GRID2: variants seen among roughly 807,000 people sequenced by gnomAD.
The protein encoded by GRID2 is glutamate receptor ionotropic, delta-2.
GRID2 carries 33 observed loss-of-function variants against 114.8 expected under a neutral mutation model. That is an observed-to-expected ratio of 0.29 (90% CI 0.22 to 0.38). The LOEUF (loss-of-function observed/expected upper bound fraction) is 0.38. GRID2 is among the 10% of genes least tolerant of loss of function. GRID2 has a pLI of 1.00. For missense variants in GRID2, 1,184 were observed against 1,257.7 expected, an observed-to-expected ratio of 0.94 and a Z score of 0.89; for synonymous variants, 505 against 449.9, an observed-to-expected ratio of 1.12 and a Z score of -1.55.
At chr4:92,337,430 A>G (rs955212987) in intron 1 of GRID2, among the ~76,000 whole-genome samples, 1 of 152,108 alleles carries the variant, frequency 6.6e-6, no homozygotes, top group African/African-American at 2.4e-5. Flanking sequence ...TTATTGAGGA[A>G]TGTGCCCAGA....
intron 14 of GRID2, among the ~76,000 whole-genome samples, chr4:93,709,852 T>C (rs1210315452): frequency 6.6e-6 from 1 of 152,228 alleles, no homozygotes; most frequent in Non-Finnish European, 1.5e-5. Context: ...AATTCTACTG[T>C]TAAGAGACTG....
At chr4:93,014,495 T>G (rs1186119724) in intron 2 of GRID2, among the ~76,000 whole-genome samples, 1 of 152,028 alleles carries the variant, frequency 6.6e-6, no homozygotes, top group Non-Finnish European at 1.5e-5. Context: ...ATATGAAGAA[T>G]TATTACATAG....
chr4:92,455,503 TGAG>T (rs756969277), intron 1 of GRID2, among the ~76,000 whole-genome samples: 15 of 152,100 alleles, frequency 9.9e-5, no homozygotes, highest in Non-Finnish European at 1.8e-4. Flanking sequence ...GAGAGGTCCT[TGAG>T]GAAGTGGTAC....
exon 2 of GRID2, chr4:93,807,591 A>G (rs1007940124): frequency 1.3e-5 from 2 of 152,188 alleles, no homozygotes; most frequent in Non-Finnish European, 2.9e-5. Flanking sequence ...CATTGTAAAC[A>G]AAGATCACTT....
In GRID2 at chr4:93,754,147, T is replaced by C. The variant is rs557347272; in HGVS notation, c.2361-15063T>C. 3.3e-5 allele frequency among the ~76,000 whole-genome samples: 5 copies of C among 152,214 alleles called. No individual in the cohort carries two copies. In the South Asian group the frequency reaches 1.0e-3, roughly 32 times the overall value. On this transcript the variant is annotated intron_variant, in intron 14 of 15. Coordinates refer to ENST00000282020, the MANE Select transcript of GRID2 (RefSeq NM_001510.4). ...CATATTTAAACATAAAAAGATAAAG[T>C]AAAAAGATGGTGTTATAATCTTATG...
chr4:93,739,205 CA>C (rs1189726833), intron 14 of GRID2, among the ~76,000 whole-genome samples: 1 of 151,646 alleles, frequency 6.6e-6, no homozygotes, highest in Non-Finnish European at 1.5e-5. Context: ...GGTGTTTCCT[CA>C]AAAAAAGACA....
intron 1 of GRID2, among the ~76,000 whole-genome samples, chr4:92,382,989 G>T (rs886086819): frequency 6.6e-6 from 1 of 151,954 alleles, no homozygotes; most frequent in African/African-American, 2.4e-5. Context: ...TCCTGGGAAG[G>T]TCTCAGGAAA....
chr4:93,680,601 C>G (rs1315271827), intron 14 of GRID2, among the ~76,000 whole-genome samples: 2 of 151,730 alleles, frequency 1.3e-5, no homozygotes, highest in Non-Finnish European at 2.9e-5. Flanking sequence ...GGCTTCATCC[C>G]TGGGATGCAA....
At chr4:93,245,689 A>G (rs1438563001) in intron 8 of GRID2, among the ~76,000 whole-genome samples, 1 of 152,150 alleles carries the variant, frequency 6.6e-6, no homozygotes, top group Non-Finnish European at 1.5e-5. Flanking sequence ...TGCCTCTGTC[A>G]CTTACTGATT....
intron 1 of GRID2, among the ~76,000 whole-genome samples, chr4:92,585,617 C>T (rs1728394431): frequency 6.6e-6 from 1 of 151,866 alleles, no homozygotes; most frequent in South Asian, 2.1e-4. Context: ...TGTATATCTT[C>T]CAATAATTCT....
At chr4:93,067,282 A>G (rs1324706258) in intron 2 of GRID2, among the ~76,000 whole-genome samples, 1 of 151,976 alleles carries the variant, frequency 6.6e-6, no homozygotes, top group Non-Finnish European at 1.5e-5. Context: ...CACCCTTATC[A>G]TCTTAGTTAA....
chr4:93,433,577 G>T (rs1720786885), intron 10 of GRID2, among the ~76,000 whole-genome samples: 1 of 152,052 alleles, frequency 6.6e-6, no homozygotes, highest in African/African-American at 2.4e-5. Flanking sequence ...TATATTTTTT[G>T]CCCAAGCCAT....
intron 2 of GRID2, among the ~76,000 whole-genome samples, chr4:92,813,092 T>C (rs1302348438): frequency 6.6e-6 from 1 of 152,136 alleles, no homozygotes; most frequent in African/African-American, 2.4e-5. Flanking sequence ...ATGTCAAATC[T>C]TTATGCCCTG....
At chr4:93,099,667 G>A (rs1441665336) in intron 3 of GRID2, among the ~76,000 whole-genome samples, 1 of 151,788 alleles carries the variant, frequency 6.6e-6, no homozygotes, top group Non-Finnish European at 1.5e-5. Context: ...ACTGCATACT[G>A]AAAACATTGA....
chr4:93,311,793 T>A (rs1756048376), intron 8 of GRID2, among the ~76,000 whole-genome samples: 1 of 152,202 alleles, frequency 6.6e-6, no homozygotes, highest in Admixed American at 6.5e-5. Context: ...TGCTTTGTGT[T>A]AAAATCATAT....
In GRID2 at chr4:93,265,490, C is replaced by T. The variant is rs1250830526; in HGVS notation, c.1245+27000C>T. On this transcript the variant is annotated intron_variant, in intron 8 of 15. Coordinates refer to ENST00000282020, the MANE Select transcript of GRID2 (RefSeq NM_001510.4). ...GCTGGGTTCTTGGAAACCGCCACTT[C>T]AAAGGAAATTACATATAATAAAACC... 1.3e-5 allele frequency among the ~76,000 whole-genome samples: 2 copies of T among 152,082 alleles called. 1 individual carries two copies. The highest frequency in any genetic ancestry group is 6.3e-3 in the Middle Eastern group (2 of 316).
At chr4:92,561,696 T>G (rs1727110601) in intron 1 of GRID2, among the ~76,000 whole-genome samples, 2 of 152,322 alleles carry the variant, frequency 1.3e-5, no homozygotes, top group African/African-American at 2.4e-5. Context: ...TATACAACTT[T>G]TAGATTCATT....
exon 2 of GRID2, chr4:93,806,874 C>A (rs1735043861): frequency 6.6e-6 from 1 of 152,266 alleles, no homozygotes; most frequent in African/African-American, 2.4e-5. Flanking sequence ...TGACCCATAA[C>A]CTCTACCAGC....
At chr4:92,645,717 C>G (rs1259001224) in intron 2 of GRID2, among the ~76,000 whole-genome samples, 2 of 151,716 alleles carry the variant, frequency 1.3e-5, no homozygotes, top group Non-Finnish European at 2.9e-5. Context: ...TGCTCCTTAA[C>G]TTGACATGTA....
Sources: gnomAD v4.1 joint callset for allele counts (sites outside exome capture counted in the v4.1 genomes callset) on GRCh38, gnomAD v4.1.1 for gene constraint, MANE v1.5 for transcripts, NCBI Gene and HGNC (gene_info 2026-07-23, HGNC 2026-07-21) for gene names.